The following CHST15 variants were observed in gnomAD, a reference collection of about 807,000 sequenced individuals.
CHST15 encodes B cell RAG associated protein (GALNAC4S-6ST).
CHST15 carries 30 observed loss-of-function variants against 53.6 expected under a neutral mutation model. That is an observed-to-expected ratio of 0.56 (90% confidence interval 0.42 to 0.76). The LOEUF (loss-of-function observed/expected upper bound fraction) is 0.76, where lower values mean the gene tolerates loss of function less well. CHST15 is among the 30% of genes least tolerant of loss of function. CHST15 has a pLI of 0.00. For missense variants in CHST15, 627 were observed against 740.5 expected (o/e 0.85, Z 1.78); for synonymous variants, 296 against 289.8 (o/e 1.02, Z -0.22).
intron 1 of CHST15, among the ~76,000 whole-genome samples, chr10:124,089,040 G>C (rs1368648428): frequency 6.6e-6 from 1 of 152,196 alleles, no homozygotes; most frequent in Non-Finnish European, 1.5e-5. Flanking sequence ...GAAATGCCTT[G>C]AGCAGTGGAA....
intron 1 of CHST15, among the ~76,000 whole-genome samples, chr10:124,081,302 C>T (rs3936165): frequency 0.67 from 101,212 of 151,998 alleles, 33,950 homozygotes; most frequent in African/African-American, 0.73. Context: ...GTTCCCTCAG[C>T]GTTTCTTAGC....
At chr10:124,026,147 A>G (rs1946997691) in intron 5 of CHST15, among the ~76,000 whole-genome samples, 1 of 152,110 alleles carries the variant, frequency 6.6e-6, no homozygotes, top group South Asian at 2.1e-4. Flanking sequence ...GTAGGGGAGG[A>G]CTGGGGTCAT....
At position 124,039,534 on chromosome 10, in the gene CHST15, C is replaced by T. The variant is rs180789217; in HGVS notation, c.1034-863G>A. On this transcript the variant is annotated intron_variant, in intron 4 of 7. Transcript: ENST00000435907. ...CTCACACGCCCTGTCTCCTGCGAGG[C>T]GACTGCTCTGCACGCAGCTGGCGCC... Among the ~76,000 whole-genome samples, 364 of 152,366 alleles carry T rather than the reference C, an allele frequency of 2.4e-3. 3 individuals carry two copies. Among genetic ancestry groups the T allele is most frequent in the Non-Finnish European group, 3.1e-3 (208 of 68,034 alleles).
Position 124,021,244 on chromosome 10 carries a change from G to GT in CHST15, c.1347+11_1347+12insA, listed in dbSNP as rs1564854292. 1 of 1,570,470 alleles carries GT rather than the reference G, an allele frequency of 6.4e-7. No individual in the cohort carries two copies. The highest frequency in any genetic ancestry group is 8.7e-7 in the Non-Finnish European group (1 of 1,150,014). ...GGCCAGCTCGGGGGGTACGGGGGGGGGGGGTACACACAGGCATGGCGTTGT... is the reference window on the plus strand; with the variant it reads ...GGCCAGCTCGGGGGGTACGGGGGGGGTGGGGTACACACAGGCATGGCGTTGT... On this transcript the variant is annotated intron_variant, in intron 6 of 7. Coordinates refer to ENST00000435907, the MANE Select transcript of CHST15 (RefSeq NM_001270764.2).
chr10:124,087,815 C>T (rs78578015), intron 1 of CHST15, among the ~76,000 whole-genome samples: 2,072 of 152,162 alleles, frequency 0.014, 48 homozygotes, highest in African/African-American at 0.048. Context: ...TAGAGCCACG[C>T]GGTCTCCTCT....
intron 1 of CHST15, among the ~76,000 whole-genome samples, chr10:124,079,484 C>A (rs768922821): frequency 4.6e-5 from 7 of 152,194 alleles, no homozygotes; most frequent in Non-Finnish European, 1.0e-4. Context: ...CAGGAGTAGA[C>A]AAGGTTCAGG....
At chr10:124,050,710 A>C (rs1590276440) in intron 1 of CHST15, among the ~76,000 whole-genome samples, 3 of 152,112 alleles carry the variant, frequency 2.0e-5, no homozygotes. Flanking sequence ...TGGAGGAGAA[A>C]CCTGAACAAG....
At chr10:124,042,810 C>T (rs1298328165) in intron 3 of CHST15, among the ~76,000 whole-genome samples, 1 of 152,068 alleles carries the variant, frequency 6.6e-6, no homozygotes, top group East Asian at 1.9e-4. Flanking sequence ...GGCTGGGCAG[C>T]GATGACACCC....
chr10:124,057,802 G>A lies in CHST15; in HGVS notation c.-512-11078C>T, dbSNP rs551573751. The stretch of plus-strand genomic sequence containing the variant: ...GGGGTCTTTTTCCTATTCTGTGATA[G>A]CTTGCTCTCTAATAGGGTAATCAGC... On this transcript the variant is annotated intron_variant, in intron 1 of 7. Coordinates refer to ENST00000435907, the MANE Select transcript of CHST15 (RefSeq NM_001270764.2). Among the ~76,000 whole-genome samples, 4 of 152,246 alleles carry A rather than the reference G, an allele frequency of 2.6e-5. No individual in the cohort carries two copies. In the South Asian group the frequency reaches 8.3e-4, roughly 32 times the overall value.
chr10:124,088,444 T>A (rs993194206), intron 1 of CHST15, among the ~76,000 whole-genome samples: 1 of 152,132 alleles, frequency 6.6e-6, no homozygotes. Context: ...TTCCTCTCCA[T>A]CCCTTTGGAA....
At chr10:124,072,747 C>T (rs1404540920) in intron 1 of CHST15, among the ~76,000 whole-genome samples, 1 of 152,178 alleles carries the variant, frequency 6.6e-6, no homozygotes, top group African/African-American at 2.4e-5. Context: ...GACCAACCAA[C>T]CCCATCCGCA....
In CHST15 at chr10:124,054,496, C is replaced by T. The variant is rs74668035; in HGVS notation, c.-512-7772G>A. ...CAGGCATTTCCCCAAGATCAGATCT[C>T]TACAATATGCAGCCAGCGCCTCCCC... On this transcript the variant is annotated intron_variant, in intron 1 of 7. Transcript: ENST00000435907. Among the ~76,000 whole-genome samples the T allele has an allele frequency of 2.9e-3, 437 of 152,334 alleles. 12 individuals carry two copies. The East Asian group carries it at 0.056, about 19-fold the overall frequency.
intron 4 of CHST15, among the ~76,000 whole-genome samples, chr10:124,041,342 ACT>A (rs550900918): frequency 1.8e-4 from 28 of 152,214 alleles, no homozygotes; most frequent in Non-Finnish European, 4.0e-4. Flanking sequence ...GCAAAACGTG[ACT>A]CAATTTCTCT....
intron 2 of CHST15, 28 bp from the exon 3 acceptor site, chr10:124,044,947 CAG>C (rs772869577): frequency 7.2e-7 from 1 of 1,397,458 alleles, no homozygotes; most frequent in Admixed American, 2.9e-5. Context: ...AGGAGAGACA[CAG>C]AGGAGGGGAA....
At position 124,012,308 on chromosome 10, in the gene CHST15, G is replaced by A. The variant is rs112038456; in HGVS notation, c.1495+25C>T. ...GTCCACGGAGCTCATGCTTTGGCCCGTCAGTCTAAGCACCACACTCATACC... is the reference window on the plus strand; with the variant it reads ...GTCCACGGAGCTCATGCTTTGGCCCATCAGTCTAAGCACCACACTCATACC... On this transcript the variant is annotated intron_variant, in intron 7 of 7. Transcript: ENST00000435907. 105 of 1,600,074 alleles carry A rather than the reference G, an allele frequency of 6.6e-5. 2 individuals carry two copies. Among genetic ancestry groups the A allele is most frequent in the Admixed American group, 5.2e-4 (31 of 59,170 alleles).
chr10:124,014,749 C>T (rs1946533990), intron 6 of CHST15, among the ~76,000 whole-genome samples: 1 of 152,200 alleles, frequency 6.6e-6, no homozygotes, highest in Admixed American at 6.5e-5. Context: ...GGAAAGCAGC[C>T]AGGTGTTTGT....
Position 124,010,074 on chromosome 10 carries a change from C to T in CHST15, c.*75G>A. 6.2e-7 allele frequency: 1 copy of T among 1,607,584 alleles called. No individual in the cohort carries two copies. On this transcript the variant is annotated 3_prime_UTR_variant, in exon 8 of 8. Transcript: ENST00000435907. Reference sequence around the variant, plus strand: ...TTTCCATACCATGAGTGAAACAGTTCCCCGCAAAGAGATTTGTAAAATCCT... The same window carrying T: ...TTTCCATACCATGAGTGAAACAGTTTCCCGCAAAGAGATTTGTAAAATCCT...
Position 124,024,111 on chromosome 10 carries a change from C to T in CHST15, c.1191-2699G>A, listed in dbSNP as rs184789173. Among the ~76,000 whole-genome samples the T allele has an allele frequency of 6.3e-3, 953 of 152,320 alleles. 10 individuals are homozygous for T. The highest frequency in any genetic ancestry group is 0.021 in the African/African-American group (886 of 41,578). On this transcript the variant is annotated intron_variant, in intron 5 of 7. Coordinates refer to ENST00000435907, the MANE Select transcript of CHST15 (RefSeq NM_001270764.2). The surrounding 1 kb of genome is among the most constrained non-coding windows in gnomAD (Gnocchi z 4.0). ...CCACCCACCTCAGCCTCCCAAAGTG[C>T]TGGGATTACGGGCGTGAGCCACCAC...
chr10:124,086,479 C>G (rs749686521), intron 1 of CHST15, among the ~76,000 whole-genome samples: 36 of 152,196 alleles, frequency 2.4e-4, no homozygotes, highest in Admixed American at 5.9e-4. Flanking sequence ...TGCCTTTCCC[C>G]ATGGTAAGGA....
Sources: allele counts gnomAD v4.1 joint callset (sites outside exome capture counted in the v4.1 genomes callset), GRCh38; gene constraint gnomAD v4.1.1; non-coding constraint Gnocchi (gnomAD v3.1); transcripts MANE v1.5; gene names NCBI Gene and HGNC (gene_info 2026-07-23, HGNC 2026-07-21).